The following PABIR3 variants were observed in gnomAD, a reference collection of about 807,000 sequenced individuals.
PABIR3 encodes PABIR family member 3.
PABIR3 carries 20 observed loss-of-function variants against 23.1 expected under a neutral mutation model. The observed-to-expected ratio is 0.86, with a 90% CI of 0.61 to 1.26. PABIR3 has a LOEUF of 1.26. Among genes scored for constraint, PABIR3 ranks in the 50% most tolerant of loss-of-function variants. PABIR3 has a pLI of 0.00. For missense variants in PABIR3, 189 were observed against 195.4 expected, an observed-to-expected ratio of 0.97 and a Z score of 0.20; for synonymous variants, 69 against 68.5, an observed-to-expected ratio of 1.01 and a Z score of -0.04.
At chrX:134,816,065 A>T (rs1393241172) in intron 3 of PABIR3, among the ~76,000 whole-genome samples, 2 of 111,785 alleles carry the variant, frequency 1.8e-5, no homozygotes, top group Non-Finnish European at 3.8e-5. Context: ...GTGTTTCCCC[A>T]CCTTGTTCAA....
At chrX:134,806,427 G>A (rs1377904482), upstream of PABIR3, among the ~76,000 whole-genome samples, 1 of 110,568 alleles carries the variant, frequency 9.0e-6, no homozygotes, top group Non-Finnish European at 1.9e-5. Flanking sequence ...GACCAGCCTG[G>A]CCAACATGGT....
At chrX:134,851,360 AC>A (rs758724582) in intron 9 of PABIR3, among the ~76,000 whole-genome samples, 10 of 110,196 alleles carry the variant, frequency 9.1e-5, no homozygotes, top group Non-Finnish European at 1.7e-4. Flanking sequence ...ACATGACAAA[AC>A]CCTGTCTCTA....
At chrX:134,858,553 G>A (rs1569465080), downstream of PABIR3, among the ~76,000 whole-genome samples, 1 of 111,341 alleles carries the variant, frequency 9.0e-6, no homozygotes, top group Non-Finnish European at 1.9e-5. Flanking sequence ...GGTATCTGTG[G>A]GGAAAACTAA....
chrX:134,831,706 G>A (rs1353893983), intron 4 of PABIR3: 1 of 111,428 alleles, frequency 9.0e-6, no homozygotes, highest in Non-Finnish European at 1.9e-5. Context: ...GGTAAATGGA[G>A]TATCCATCCC....
chrX:134,823,919 T>C (rs2081399066), intron 3 of PABIR3, among the ~76,000 whole-genome samples: 1 of 111,118 alleles, frequency 9.0e-6, no homozygotes, highest in Non-Finnish European at 1.9e-5. Flanking sequence ...TATGAGGAAA[T>C]AGGTATTCTA....
chrX:134,857,440 T>C (rs1225062239), downstream of PABIR3, among the ~76,000 whole-genome samples: 2 of 111,661 alleles, frequency 1.8e-5, no homozygotes, highest in Admixed American at 9.6e-5. Context: ...TCATCTTAAT[T>C]CGATTATATC....
In PABIR3 at chrX:134,822,753, C is replaced by T. The variant is rs753138956; in HGVS notation, c.190-6473C>T. ...CTTATGAACACAAGGAAACAACAGA[C>T]ACTAGGGTCTACTTGAGCGGGGAGG... On this transcript the variant is annotated intron_variant, in intron 3 of 10. Coordinates refer to ENST00000645433, the MANE Select transcript of PABIR3 (RefSeq NM_001388447.1). The T allele has an allele frequency of 9.1e-5, 42 of 459,733 alleles. No homozygotes were observed. The African/African-American group carries it at 9.4e-4, about 10-fold the overall frequency. The allele number at this position is 459,733 out of a possible 1,213,427, so 37.9% of individuals were successfully genotyped here. A position where few individuals can be genotyped will look rare whatever the true frequency, so the allele number is the denominator to read the frequency against.
chrX:134,801,851 CTTT>C (rs371529992), intron 1 of PABIR3, among the ~76,000 whole-genome samples: 2 of 99,150 alleles, frequency 2.0e-5, no homozygotes. Flanking sequence ...GAAAATTCGA[CTTT>C]TTTTTTTTTT....
In PABIR3 at chrX:134,834,697, G is replaced by A. The variant is rs763294723; in HGVS notation, c.246+5415G>A. On this transcript the variant is annotated intron_variant, in intron 4 of 10. Transcript: ENST00000645433. ...GAGTTAATTTTTGTATAAAGTATAAGGAAGGGGTCCAGTTTCAGTTTTCTG... is the reference window on the plus strand; with the variant it reads ...GAGTTAATTTTTGTATAAAGTATAAAGAAGGGGTCCAGTTTCAGTTTTCTG... Among the ~76,000 whole-genome samples, 10 of 112,149 alleles carry A rather than the reference G, an allele frequency of 8.9e-5. No homozygotes were observed. In the South Asian group the frequency reaches 3.7e-3, roughly 42 times the overall value.
At chrX:134,828,043 C>A (rs377740834) in intron 3 of PABIR3, among the ~76,000 whole-genome samples, 6,074 of 64,822 alleles carry the variant, frequency 0.094, 330 homozygotes, top group Non-Finnish European at 0.11. Flanking sequence ...CTCTCTCTCT[C>A]TCTCTATATA....
chrX:134,841,480 T>C (rs1444415739), intron 4 of PABIR3, among the ~76,000 whole-genome samples: 1 of 111,831 alleles, frequency 8.9e-6, no homozygotes, highest in Non-Finnish European at 1.9e-5. Context: ...ATAGAATATA[T>C]ATAAAGTAGA....
chrX:134,859,717 T>C (rs2082763604), downstream of PABIR3, among the ~76,000 whole-genome samples: 1 of 112,121 alleles, frequency 8.9e-6, no homozygotes, highest in African/African-American at 3.2e-5. Context: ...TTTTTCTTTT[T>C]CCTTGATAAT....
rs773028001 is a variant in PABIR3, at chrX:134,807,677, G to A, written c.79G>A (p.Val27Ile). 6 of 1,205,259 alleles carry A rather than the reference G, an allele frequency of 5.0e-6. No homozygotes were observed. The South Asian group carries it at 1.1e-4, about 22-fold the overall frequency. The change falls in exon 2 of 11, where the codon GTC (valine) becomes ATC (isoleucine). Residue 27 changes from valine (V) to isoleucine (I), a missense_variant. By Grantham distance (29) the Val-to-Ile change is conservative. Transcript: ENST00000645433. ...CGCAGACGGCAACATTCTGAGAAGAGTCAACAGTGCCCCTTTGATCAATGG... is the reference window on the plus strand; with the variant it reads ...CGCAGACGGCAACATTCTGAGAAGAATCAACAGTGCCCCTTTGATCAATGG... ...TTADGNILRR[V>I]NSAPLINGLG... is the part of the protein sequence containing the mutation.
chrX:134,809,874 G>T, intron 2 of PABIR3: 2 of 753,654 alleles, frequency 2.7e-6, no homozygotes, highest in South Asian at 1.3e-4. Flanking sequence ...AGAATATATT[G>T]TTCACAAAAT....
At chrX:134,825,828 CTT>C (rs61066719) in intron 3 of PABIR3, among the ~76,000 whole-genome samples, 8 of 73,830 alleles carry the variant, frequency 1.1e-4, no homozygotes, top group East Asian at 4.4e-4. Context: ...ACGCCCGGAT[CTT>C]TTTTTTTTTT....
upstream of PABIR3, among the ~76,000 whole-genome samples, chrX:134,805,607 C>T (rs779665263): frequency 8.9e-6 from 1 of 112,002 alleles, no homozygotes; most frequent in African/African-American, 3.2e-5. Context: ...TATGTGAAAA[C>T]ATTTTGTAGG....
intron 9 of PABIR3, among the ~76,000 whole-genome samples, chrX:134,850,098 C>T (rs1603247760): frequency 9.2e-6 from 1 of 108,812 alleles, no homozygotes; most frequent in East Asian, 2.9e-4. Flanking sequence ...TGTTCTCGAA[C>T]TCCTGACCTC....
chrX:134,859,583 T>G (rs1400785182), downstream of PABIR3, among the ~76,000 whole-genome samples: 1 of 111,789 alleles, frequency 8.9e-6, no homozygotes, highest in African/African-American at 3.2e-5. Context: ...ATACGCTTGG[T>G]ATGTTTGTTT....
chrX:134,851,387 T>C (rs1442901313), intron 9 of PABIR3, among the ~76,000 whole-genome samples: 1 of 109,514 alleles, frequency 9.1e-6, no homozygotes, highest in East Asian at 2.9e-4. Context: ...AATACAAAAA[T>C]TAGCCAAGGG....
Sources: allele counts gnomAD v4.1 joint callset (sites outside exome capture counted in the v4.1 genomes callset), GRCh38; gene constraint gnomAD v4.1.1; transcripts MANE v1.5; gene names NCBI Gene and HGNC (gene_info 2026-07-23, HGNC 2026-07-21).